Variants in FGF12 observed in about 807,000 individuals in gnomAD.
FGF12 encodes the protein fibroblast growth factor 12B.
FGF12 carries 14 observed loss-of-function variants against 23.6 expected under a neutral mutation model. The observed-to-expected ratio is 0.59, with a 90% CI of 0.39 to 0.93. The LOEUF is 0.93. FGF12 is among the 40% of genes least tolerant of loss of function. FGF12 has a pLI of 0.00. For missense variants in FGF12, 175 were observed against 217.8 expected (o/e 0.80, Z 1.24); for synonymous variants, 62 against 77.3 (o/e 0.80, Z 1.04).
At chr3:192,356,357 C>A (rs1718473341) in intron 3 of FGF12, among the ~76,000 whole-genome samples, 1 of 152,084 alleles carries the variant, frequency 6.6e-6, no homozygotes, top group African/African-American at 2.4e-5. Context: ...AGAACAATAC[C>A]TTTGGTTATA....
intron 4 of FGF12, among the ~76,000 whole-genome samples, chr3:192,260,169 C>T (rs1411965170): frequency 6.6e-6 from 1 of 152,124 alleles, no homozygotes; most frequent in Non-Finnish European, 1.5e-5. Context: ...ACTAGTTTTC[C>T]CTTTGCCAAG....
intron 2 of FGF12, among the ~76,000 whole-genome samples, chr3:192,635,424 T>C (rs1358772181): frequency 6.6e-6 from 1 of 152,242 alleles, no homozygotes; most frequent in African/African-American, 2.4e-5. Flanking sequence ...TACATATATA[T>C]GGTATTGCAT....
intron 2 of FGF12, among the ~76,000 whole-genome samples, chr3:192,716,866 T>TA (rs1386504583): frequency 6.6e-6 from 1 of 152,222 alleles, no homozygotes; most frequent in South Asian, 2.1e-4. Context: ...TTTCAAGTCT[T>TA]ACGATCTTTC....
chr3:192,195,107 C>G (rs1456567720), intron 4 of FGF12, among the ~76,000 whole-genome samples: 3 of 152,182 alleles, frequency 2.0e-5, no homozygotes, highest in African/African-American at 7.2e-5. Context: ...CCGGAGGGCC[C>G]ACCAATTGCT....
chr3:192,511,222 T>TAC (rs5855433), intron 2 of FGF12, among the ~76,000 whole-genome samples: 9,139 of 149,588 alleles, frequency 0.061, 817 homozygotes, highest in African/African-American at 0.2. Context: ...CAATTGTGTG[T>TAC]ACACACACAC....
intron 2 of FGF12, among the ~76,000 whole-genome samples, chr3:192,548,157 A>G (rs991796488): frequency 6.6e-6 from 1 of 152,288 alleles, no homozygotes; most frequent in East Asian, 1.9e-4. Flanking sequence ...TTTAAGTGTC[A>G]GGGTATGCTG....
chr3:192,445,917 A>G (rs1722341090), intron 2 of FGF12, among the ~76,000 whole-genome samples: 1 of 152,166 alleles, frequency 6.6e-6, no homozygotes, highest in Admixed American at 6.5e-5. Context: ...CAGACACACC[A>G]ATCATTTTGC....
chr3:192,322,503 G>C (rs6768783), intron 4 of FGF12, among the ~76,000 whole-genome samples: 1 of 149,194 alleles, frequency 6.7e-6, no homozygotes, highest in Non-Finnish European at 1.5e-5. Context: ...ACCACACGCA[G>C]ACACACACAC....
Position 192,224,917 on chromosome 3 carries a change from G to C in FGF12, c.229-54261C>G, listed in dbSNP as rs575559973. Among the ~76,000 whole-genome samples the C allele has an allele frequency of 2.6e-5, 4 of 152,154 alleles. No individual in the cohort carries two copies. The East Asian group carries it at 7.7e-4, about 29-fold the overall frequency. ...TGTAAATGAATCAGCTGAACTACTT[G>C]TTAAAATAGAAATTCCTGATACCAT... On this transcript the variant is annotated intron_variant, in intron 4 of 5. Coordinates refer to ENST00000445105, the MANE Select transcript of FGF12 (RefSeq NM_004113.6).
chr3:192,149,385 ACATGTGC>A (rs1472941668), intron 5 of FGF12, among the ~76,000 whole-genome samples: 3 of 148,674 alleles, frequency 2.0e-5, no homozygotes, highest in African/African-American at 7.4e-5. Flanking sequence ...ACATATGTAT[ACATGTGC>A]CATGCTGGTG....
chr3:192,716,900 G>A (rs6764837), intron 2 of FGF12, among the ~76,000 whole-genome samples: 8,979 of 152,204 alleles, frequency 0.059, 478 homozygotes, highest in East Asian at 0.19. Flanking sequence ...AGCTGCCCAG[G>A]TAAACAGAAC....
At chr3:192,387,103 T>C (rs1035894571) in intron 2 of FGF12, among the ~76,000 whole-genome samples, 1 of 152,202 alleles carries the variant, frequency 6.6e-6, no homozygotes, top group Non-Finnish European at 1.5e-5. Context: ...ATAACCATGG[T>C]ATTCCTGTCT....
chr3:192,406,299 CTTA>C (rs1720954502), intron 2 of FGF12, among the ~76,000 whole-genome samples: 1 of 151,874 alleles, frequency 6.6e-6, no homozygotes, highest in African/African-American at 2.4e-5. Flanking sequence ...ACCTATCATT[CTTA>C]TTATCTTGTT....
rs577259348 is a variant in FGF12, at chr3:192,594,890, G to A, written c.13+132291C>T. Among the ~76,000 whole-genome samples the A allele has an allele frequency of 3.3e-5, 5 of 151,846 alleles. 1 individual carries two copies. The highest frequency in any genetic ancestry group is 5.9e-5 in the Non-Finnish European group (4 of 67,912). On this transcript the variant is annotated intron_variant, in intron 2 of 5. Transcript: ENST00000445105. Reference sequence around the variant, plus strand: ...CAATAGAAAATGGACTAAGATACCTGCCTAAGACTCATACAATTGTCTAGG... The same window carrying A: ...CAATAGAAAATGGACTAAGATACCTACCTAAGACTCATACAATTGTCTAGG...
intron 4 of FGF12, among the ~76,000 whole-genome samples, chr3:192,228,063 G>A (rs932833627): frequency 6.6e-6 from 1 of 151,980 alleles, no homozygotes; most frequent in Non-Finnish European, 1.5e-5. Flanking sequence ...GGAGGAATAA[G>A]TTTTAGTGAT....
chr3:192,536,584 A>G (rs924257690), intron 2 of FGF12, among the ~76,000 whole-genome samples: 2 of 152,158 alleles, frequency 1.3e-5, no homozygotes, highest in Non-Finnish European at 2.9e-5. Flanking sequence ...AAATTGTAAA[A>G]TATGTTGAGA....
At chr3:192,548,871 A>C (rs934700390) in intron 2 of FGF12, among the ~76,000 whole-genome samples, 1 of 152,176 alleles carries the variant, frequency 6.6e-6, no homozygotes, top group Admixed American at 6.5e-5. Flanking sequence ...TTCCATAACT[A>C]ATCTACAGTT....
At chr3:192,470,762 C>A (rs1577002606) in intron 2 of FGF12, among the ~76,000 whole-genome samples, 1 of 152,166 alleles carries the variant, frequency 6.6e-6, no homozygotes, top group East Asian at 1.9e-4. Flanking sequence ...TGGGCTTTTT[C>A]TCCCACAAGG....
At chr3:192,304,006 A>C (rs996568951) in intron 4 of FGF12, among the ~76,000 whole-genome samples, 2 of 152,218 alleles carry the variant, frequency 1.3e-5, no homozygotes, top group Non-Finnish European at 2.9e-5. Context: ...TCACCTGCCC[A>C]AGGAAGATAA....
Sources: gnomAD v4.1 joint callset for allele counts (sites outside exome capture counted in the v4.1 genomes callset) on GRCh38, gnomAD v4.1.1 for gene constraint, MANE v1.5 for transcripts, NCBI Gene and HGNC (gene_info 2026-07-23, HGNC 2026-07-21) for gene names.